The following C13orf42 variants were observed in gnomAD, a reference collection of about 807,000 sequenced individuals.
The protein encoded by C13orf42 is chromosome 13 open reading frame 42.
intron 1 of C13orf42, among the ~76,000 whole-genome samples, chr13:51,090,337 C>T (rs914274629): frequency 6.6e-6 from 1 of 152,116 alleles, no homozygotes; most frequent in African/African-American, 2.4e-5. Context: ...GTCTCATTAC[C>T]TAACCTAAGT....
chr13:51,141,050 C>T (rs1953691476), intron 1 of C13orf42, among the ~76,000 whole-genome samples: 1 of 147,288 alleles, frequency 6.8e-6, no homozygotes, highest in African/African-American at 2.5e-5. Context: ...TAAAGGAGCT[C>T]AATAGCTAAA....
intron 1 of C13orf42, among the ~76,000 whole-genome samples, chr13:51,155,314 G>A (rs528025337): frequency 4.0e-4 from 61 of 152,252 alleles, no homozygotes; most frequent in African/African-American, 1.4e-3. Context: ...GTATAACTAG[G>A]GCTAAGATAC....
In C13orf42 at chr13:51,086,285, G is replaced by A. The variant is rs532082879; in HGVS notation, c.563-726C>T. ...TCGTGCCACTGCACACAGCCTGGGC[G>A]ATGGAGCGAGACTCCGTCTCAAAAA... On this transcript the variant is annotated intron_variant, in intron 2 of 3. Coordinates refer to ENST00000563710, the MANE Select transcript of C13orf42 (RefSeq NM_001351589.3). Among the ~76,000 whole-genome samples, 81 of 142,240 alleles carry A rather than the reference G, an allele frequency of 5.7e-4. No homozygotes were observed. In the East Asian group the frequency reaches 0.016, roughly 28 times the overall value. The allele number at this position is 142,240 out of a possible 152,430, so 93.3% of individuals were successfully genotyped here. A position where few individuals can be genotyped will look rare whatever the true frequency, so the allele number is the denominator to read the frequency against.
chr13:51,126,089 G>A lies in C13orf42; in HGVS notation n.137-12867C>T, dbSNP rs116707606. On this transcript the variant is annotated intron_variant and non_coding_transcript_variant, in intron 1 of 4. Transcript: ENST00000433280. ...AAATTTCATGTGCCTGTGTGCCTAC[G>A]TGTGTGGCCGGGTGGATGTATATTC... Among the ~76,000 whole-genome samples the A allele has an allele frequency of 5.7e-3, 863 of 152,326 alleles. 6 individuals carry two copies. Among genetic ancestry groups the A allele is most frequent in the African/African-American group, 0.02 (813 of 41,562 alleles).
intron 1 of C13orf42, among the ~76,000 whole-genome samples, chr13:51,134,812 A>G (rs923152622): frequency 1.6e-4 from 25 of 152,154 alleles, no homozygotes; most frequent in African/African-American, 6.0e-4. Flanking sequence ...AGAGGACAAG[A>G]AACTCTTTCA....
At chr13:51,131,520 G>T (rs898270687) in intron 1 of C13orf42, among the ~76,000 whole-genome samples, 4 of 152,168 alleles carry the variant, frequency 2.6e-5, no homozygotes, top group Non-Finnish European at 5.9e-5. Flanking sequence ...CAAGTTATCT[G>T]GGAAAAGGCC....
At chr13:51,150,584 C>T (rs1426808891) in intron 1 of C13orf42, among the ~76,000 whole-genome samples, 3 of 152,188 alleles carry the variant, frequency 2.0e-5, no homozygotes, top group African/African-American at 7.2e-5. Flanking sequence ...AAACATTTTT[C>T]AAGAAGACTG....
At chr13:51,119,632 C>A (rs143348136) in intron 1 of C13orf42, among the ~76,000 whole-genome samples, 1 of 152,132 alleles carries the variant, frequency 6.6e-6, no homozygotes, top group African/African-American at 2.4e-5. Flanking sequence ...AGACATGATG[C>A]GACGTGAAAT....
chr13:51,136,942 C>T (rs1319007732), intron 1 of C13orf42, among the ~76,000 whole-genome samples: 2 of 152,186 alleles, frequency 1.3e-5, no homozygotes, highest in Non-Finnish European at 2.9e-5. Context: ...GCTGTCCCTG[C>T]TTCTCCTTTG....
intron 1 of C13orf42, among the ~76,000 whole-genome samples, chr13:51,091,907 G>A (rs983280758): frequency 2.0e-5 from 3 of 152,104 alleles, no homozygotes; most frequent in African/African-American, 7.2e-5. Flanking sequence ...ACAAAACTCT[G>A]GGTTAAGGGG....
intron 1 of C13orf42, among the ~76,000 whole-genome samples, chr13:51,157,466 G>A (rs138529610): frequency 1.7e-3 from 254 of 150,342 alleles, no homozygotes; most frequent in Middle Eastern, 3.4e-3. Flanking sequence ...AAAATAAAAT[G>A]AAATAAAATT....
chr13:51,125,890 T>C (rs1008017180), intron 1 of C13orf42, among the ~76,000 whole-genome samples: 4 of 152,200 alleles, frequency 2.6e-5, no homozygotes, highest in Non-Finnish European at 5.9e-5. Context: ...GTGACTGTTT[T>C]CTCTCATTTG....
At chr13:51,135,916 G>T (rs1953654267) in intron 1 of C13orf42, among the ~76,000 whole-genome samples, 1 of 152,174 alleles carries the variant, frequency 6.6e-6, no homozygotes, top group Non-Finnish European at 1.5e-5. Context: ...AAAAACTGGA[G>T]ACTGTAATTC....
chr13:51,083,670 A>C lies in C13orf42; in HGVS notation c.*481T>G, dbSNP rs528479560. ...CTTTCTCAACTGCATTCTGCACACA[A>C]GACGGCAACCTCAGTGCAGATCCAG... On this transcript the variant is annotated 3_prime_UTR_variant, in exon 4 of 4. Coordinates refer to ENST00000563710, the MANE Select transcript of C13orf42 (RefSeq NM_001351589.3). 6.6e-6 allele frequency: 1 copy of C among 152,566 alleles called. No individual in the cohort carries two copies. The highest frequency in any genetic ancestry group is 1.5e-5 in the Non-Finnish European group (1 of 68,250). The allele number at this position is 152,566 out of a possible 1,614,324, so 9.5% of individuals were successfully genotyped here.
intron 1 of C13orf42, among the ~76,000 whole-genome samples, chr13:51,163,691 T>A (rs1004949376): frequency 3.3e-5 from 5 of 151,682 alleles, no homozygotes; most frequent in Non-Finnish European, 5.9e-5. Context: ...AGATAAGGAG[T>A]GAATCTCCAG....
intron 1 of C13orf42, among the ~76,000 whole-genome samples, chr13:51,105,016 A>G (rs982090973): frequency 6.6e-6 from 1 of 152,188 alleles, no homozygotes; most frequent in Admixed American, 6.5e-5. Context: ...TGCAGGGTGG[A>G]GTGGAAATAG....
intron 1 of C13orf42, among the ~76,000 whole-genome samples, chr13:51,117,902 A>AAT (rs1381258406): frequency 6.6e-6 from 1 of 152,166 alleles, no homozygotes; most frequent in Non-Finnish European, 1.5e-5. Context: ...CTCACTCCCT[A>AAT]AGTAGGTTGC....
intron 1 of C13orf42, among the ~76,000 whole-genome samples, chr13:51,116,456 A>G (rs372925832): frequency 3.3e-4 from 50 of 152,340 alleles, no homozygotes; most frequent in African/African-American, 1.1e-3. Flanking sequence ...TTTTCACTCA[A>G]TTTAGAAAAA....
intron 1 of C13orf42, among the ~76,000 whole-genome samples, chr13:51,096,522 A>G (rs543976593): frequency 1.3e-5 from 2 of 152,254 alleles, no homozygotes; most frequent in South Asian, 2.1e-4. Flanking sequence ...ATTAAACTGA[A>G]TATCTTGGTT....
Sources: gnomAD v4.1 joint callset for allele counts (sites outside exome capture counted in the v4.1 genomes callset) on GRCh38, gnomAD v4.1.1 for gene constraint, MANE v1.5 for transcripts, NCBI Gene and HGNC (gene_info 2026-07-23, HGNC 2026-07-21) for gene names.